The following DIAPH2 variants were observed in gnomAD, a reference collection of about 807,000 sequenced individuals.
DIAPH2 encodes diaphanous related formin 2.
Under a neutral mutation model 92.7 loss-of-function variants are expected in DIAPH2, and 35 were observed. That is an observed-to-expected ratio of 0.38 (90% CI 0.29 to 0.50). DIAPH2 has a LOEUF of 0.50. Ranked by LOEUF, DIAPH2 falls within the 20% of genes least tolerant of loss-of-function variation. DIAPH2 has a pLI of 0.94. For synonymous variants in DIAPH2, 301 were observed against 280.4 expected (o/e 1.07, Z -0.73); for missense variants, 701 against 819.5 (o/e 0.86, Z 1.77).
At chrX:97,302,976 T>G (rs1034119874) in intron 23 of DIAPH2, among the ~76,000 whole-genome samples, 2 of 112,515 alleles carry the variant, frequency 1.8e-5, no homozygotes, top group African/African-American at 6.5e-5. Context: ...AGAGTGAGAC[T>G]CTGTCTCCAA....
chrX:96,954,627 C>A (rs1365852633), intron 15 of DIAPH2, among the ~76,000 whole-genome samples: 3 of 112,212 alleles, frequency 2.7e-5, no homozygotes, highest in Non-Finnish European at 5.6e-5. Flanking sequence ...AAATTCTAAT[C>A]ATGTTCAGAC....
At chrX:97,511,144 A>G (rs1176875783) in intron 26 of DIAPH2, among the ~76,000 whole-genome samples, 1 of 96,065 alleles carries the variant, frequency 1.0e-5, no homozygotes, top group Non-Finnish European at 2.1e-5. Flanking sequence ...ACCCATGAGC[A>G]TGGAATGTTC....
chrX:97,005,547 TA>T (rs2066174860), intron 17 of DIAPH2, among the ~76,000 whole-genome samples: 1 of 111,408 alleles, frequency 9.0e-6, no homozygotes, highest in South Asian at 3.7e-4. Flanking sequence ...AATTTTATTT[TA>T]TTTTTTTGGG....
chrX:96,969,645 T>C (rs767674858), intron 17 of DIAPH2, among the ~76,000 whole-genome samples: 2 of 111,693 alleles, frequency 1.8e-5, no homozygotes, highest in Non-Finnish European at 3.8e-5. Flanking sequence ...GCAGAGTCTT[T>C]AGTGCTTTCT....
At chrX:97,396,265 A>G (rs2069702760) in intron 25 of DIAPH2, among the ~76,000 whole-genome samples, 1 of 111,947 alleles carries the variant, frequency 8.9e-6, no homozygotes, top group South Asian at 3.8e-4. Flanking sequence ...CACAGAACCA[A>G]CAAACTGCAC....
At chrX:97,154,090 A>G (rs5967056) in intron 22 of DIAPH2, among the ~76,000 whole-genome samples, 7,663 of 111,488 alleles carry the variant, frequency 0.069, 320 homozygotes, top group African/African-American at 0.16. Flanking sequence ...TTTGTAGCAG[A>G]AAACCTGAAG....
At chrX:96,897,556 A>T (rs2065353927) in intron 5 of DIAPH2, among the ~76,000 whole-genome samples, 2 of 111,011 alleles carry the variant, frequency 1.8e-5, no homozygotes, top group East Asian at 2.8e-4. Flanking sequence ...CATATAAGAA[A>T]AGGTAGTAAT....
At chrX:97,582,460 G>T (rs2147880532) in intron 26 of DIAPH2, among the ~76,000 whole-genome samples, 1 of 108,186 alleles carries the variant, frequency 9.2e-6, no homozygotes. Flanking sequence ...GAAATTCTGG[G>T]TTGAAAATTC....
intron 22 of DIAPH2, among the ~76,000 whole-genome samples, chrX:97,245,305 C>CTTAT (rs759962311): frequency 0.027 from 2,898 of 108,672 alleles, 41 homozygotes; most frequent in African/African-American, 0.059. Flanking sequence ...ACCCAGCTTG[C>CTTAT]TTATTTATTT....
chrX:96,867,668 G>T (rs2065114129), intron 4 of DIAPH2, among the ~76,000 whole-genome samples: 1 of 111,716 alleles, frequency 9.0e-6, no homozygotes, highest in African/African-American at 3.3e-5. Flanking sequence ...ATGCATCACT[G>T]CTATAGAAAA....
intron 17 of DIAPH2, among the ~76,000 whole-genome samples, chrX:97,039,022 A>G (rs1005775432): frequency 9.0e-6 from 1 of 111,403 alleles, no homozygotes; most frequent in African/African-American, 3.3e-5. Flanking sequence ...AAGGCTTTCA[A>G]ATTTAGATTC....
chrX:97,098,244 T>C (rs938762066), intron 19 of DIAPH2, among the ~76,000 whole-genome samples: 2 of 111,997 alleles, frequency 1.8e-5, no homozygotes, highest in Non-Finnish European at 3.8e-5. Flanking sequence ...TTTACGTGTA[T>C]AATAAAGAAG....
Position 97,366,398 on chromosome X carries a change from T to G in DIAPH2, c.3010-17511T>G, listed in dbSNP as rs555032283. Among the ~76,000 whole-genome samples the G allele has an allele frequency of 1.5e-4, 17 of 112,190 alleles. 1 individual carries two copies. In the South Asian group the frequency reaches 4.9e-3, roughly 32 times the overall value. On this transcript the variant is annotated intron_variant, in intron 24 of 26. Coordinates refer to ENST00000324765, the MANE Select transcript of DIAPH2 (RefSeq NM_006729.5). ...CTTAAACTTGTCTACTTTCACTCCA[T>G]CACTCTAAGTTGTGAAATCCCAAAG...
chrX:97,370,294 T>C (rs1177668177), intron 24 of DIAPH2, among the ~76,000 whole-genome samples: 1 of 111,682 alleles, frequency 9.0e-6, no homozygotes, highest in Non-Finnish European at 1.9e-5. Context: ...CAGAGAGATT[T>C]CTAACACTTC....
intron 5 of DIAPH2, among the ~76,000 whole-genome samples, chrX:96,886,611 A>G (rs1008890592): frequency 1.8e-5 from 2 of 111,615 alleles, no homozygotes; most frequent in African/African-American, 6.5e-5. Flanking sequence ...AAATTATCAG[A>G]CATTTTGAAA....
Position 97,601,382 on chromosome X carries a change from A to G in DIAPH2, c.*2065A>G, listed in dbSNP as rs929992034. 1 of 109,961 alleles carries G rather than the reference A, an allele frequency of 9.1e-6. No homozygotes were observed. The highest frequency in any genetic ancestry group is 9.7e-5 in the Admixed American group (1 of 10,262). The allele number at this position is 109,961 out of a possible 1,213,427, so 9.1% of individuals were successfully genotyped here. ...CTAGTTTGTGAACAAGAACGAATGA[A>G]GTACTATTATTGATAACTTATATAT... is the stretch of plus-strand genomic sequence containing the variant. On this transcript the variant is annotated 3_prime_UTR_variant, in exon 27 of 27. Transcript: ENST00000324765.
chrX:97,574,199 A>T (rs1259496615), intron 26 of DIAPH2, among the ~76,000 whole-genome samples: 1 of 111,726 alleles, frequency 9.0e-6, no homozygotes, highest in Non-Finnish European at 1.9e-5. Flanking sequence ...CTCCAATAGA[A>T]CTCCCTCATT....
chrX:97,142,546 G>A (rs2067215342), intron 22 of DIAPH2, among the ~76,000 whole-genome samples: 1 of 111,364 alleles, frequency 9.0e-6, no homozygotes, highest in Admixed American at 9.6e-5. Flanking sequence ...TCATTGAAGG[G>A]ATAGAATAGA....
chrX:97,296,514 G>A (rs1336261212), intron 23 of DIAPH2, among the ~76,000 whole-genome samples: 1 of 111,623 alleles, frequency 9.0e-6, no homozygotes, highest in Non-Finnish European at 1.9e-5. Flanking sequence ...TTTTCCCTCT[G>A]AGATCTTTAA....
Sources: gnomAD v4.1 joint callset for allele counts (sites outside exome capture counted in the v4.1 genomes callset) on GRCh38, gnomAD v4.1.1 for gene constraint, MANE v1.5 for transcripts, NCBI Gene and HGNC (gene_info 2026-07-23, HGNC 2026-07-21) for gene names.